The following NRG3 variants were observed in gnomAD, a reference collection of about 807,000 sequenced individuals.
The protein encoded by NRG3 is pro-neuregulin-3, membrane-bound isoform.
Under a neutral mutation model 66.9 loss-of-function variants are expected in NRG3, and 31 were observed. The observed-to-expected ratio is 0.46, with a 90% CI of 0.35 to 0.63. The LOEUF (loss-of-function observed/expected upper bound fraction) is 0.63, where lower values mean the gene tolerates loss of function less well. NRG3 is among the 20% of genes least tolerant of loss of function. The pLI, the probability that NRG3 is intolerant of heterozygous loss-of-function variation, is 0.00. For synonymous variants in NRG3, 393 were observed against 359.4 expected, an observed-to-expected ratio of 1.09 and a Z score of -1.06; for missense variants, 910 against 878.9, an observed-to-expected ratio of 1.04 and a Z score of -0.45.
At chr10:81,982,337 A>C (rs118133637) in intron 1 of NRG3, among the ~76,000 whole-genome samples, 6 of 152,198 alleles carry the variant, frequency 3.9e-5, no homozygotes, top group African/African-American at 1.4e-4. Flanking sequence ...AAGCAAGCAC[A>C]TTTAATGTCC....
At chr10:82,470,720 C>T (rs1159237258) in intron 2 of NRG3, among the ~76,000 whole-genome samples, 2 of 152,214 alleles carry the variant, frequency 1.3e-5, no homozygotes, top group Non-Finnish European at 1.5e-5. Flanking sequence ...CTGTTAGCTC[C>T]AGCTCTGGTT....
intron 1 of NRG3, among the ~76,000 whole-genome samples, chr10:82,158,732 A>C (rs1422483644): frequency 1.3e-5 from 2 of 151,880 alleles, no homozygotes; most frequent in Admixed American, 1.3e-4. Context: ...GTAAAATGCC[A>C]CAAATGCTTA....
At chr10:82,613,797 A>G (rs2048461909) in intron 2 of NRG3, among the ~76,000 whole-genome samples, 1 of 148,250 alleles carries the variant, frequency 6.7e-6, no homozygotes, top group Admixed American at 6.7e-5. Flanking sequence ...TTAACTCGTC[A>G]TTTAGCATTA....
intron 2 of NRG3, among the ~76,000 whole-genome samples, chr10:82,591,649 T>G (rs1400995192): frequency 6.6e-6 from 1 of 152,210 alleles, no homozygotes; most frequent in Non-Finnish European, 1.5e-5. Context: ...ATCTTAGCCT[T>G]ATGTTTAAAA....
At chr10:82,394,989 GA>G (rs751965574) in intron 2 of NRG3, among the ~76,000 whole-genome samples, 2 of 152,146 alleles carry the variant, frequency 1.3e-5, no homozygotes, top group Non-Finnish European at 2.9e-5. Context: ...CCCACTTTTT[GA>G]TTTGGGGTTC....
chr10:82,058,459 AC>A (rs1466521403), intron 1 of NRG3, among the ~76,000 whole-genome samples: 1 of 151,428 alleles, frequency 6.6e-6, no homozygotes, highest in Admixed American at 6.6e-5. Context: ...ATTTTCAACG[AC>A]CCGTTTCATC....
At chr10:82,916,427 G>A (rs534961905) in intron 4 of NRG3, among the ~76,000 whole-genome samples, 7 of 152,222 alleles carry the variant, frequency 4.6e-5, no homozygotes, top group African/African-American at 1.2e-4. Flanking sequence ...ACTTCAGCCC[G>A]GGTGACAGAG....
chr10:82,349,459 T>A (rs887711471), intron 1 of NRG3, among the ~76,000 whole-genome samples: 2 of 151,036 alleles, frequency 1.3e-5, no homozygotes, highest in African/African-American at 4.9e-5. Context: ...GAACCACTGC[T>A]CTCTTCAAAG....
intron 1 of NRG3, among the ~76,000 whole-genome samples, chr10:82,262,390 A>T (rs1327152954): frequency 6.6e-6 from 1 of 152,184 alleles, no homozygotes; most frequent in Admixed American, 6.5e-5. Context: ...AAAAGAGATC[A>T]TTCTGTTTGA....
At chr10:82,342,261 T>C (rs945845201) in intron 1 of NRG3, among the ~76,000 whole-genome samples, 2 of 152,152 alleles carry the variant, frequency 1.3e-5, no homozygotes, top group African/African-American at 4.8e-5. Context: ...TAATAATGAT[T>C]TCTTTCCCAT....
At chr10:82,577,165 G>T (rs1443797679) in intron 2 of NRG3, among the ~76,000 whole-genome samples, 1 of 151,738 alleles carries the variant, frequency 6.6e-6, no homozygotes, top group Admixed American at 6.6e-5. Context: ...AACATACCAA[G>T]ATCATGTGTC....
intron 1 of NRG3, among the ~76,000 whole-genome samples, chr10:82,049,692 T>C (rs1431460296): frequency 6.6e-6 from 1 of 152,014 alleles, no homozygotes; most frequent in Non-Finnish European, 1.5e-5. Context: ...AGAGAGGGTC[T>C]ATGGAGAACC....
At chr10:82,295,451 C>T (rs973217443) in intron 1 of NRG3, among the ~76,000 whole-genome samples, 1 of 151,934 alleles carries the variant, frequency 6.6e-6, no homozygotes, top group African/African-American at 2.4e-5. Context: ...ATCGAGGGTA[C>T]ATTTTTAATA....
At chr10:82,615,693 T>C (rs2048601460) in intron 2 of NRG3, among the ~76,000 whole-genome samples, 1 of 152,220 alleles carries the variant, frequency 6.6e-6, no homozygotes, top group Non-Finnish European at 1.5e-5. Context: ...CTTCTACATC[T>C]GTTTAATAAG....
At position 82,157,139 on chromosome 10, in the gene NRG3, A is replaced by G. The variant is rs180920588; in HGVS notation, c.824-201600A>G. Among the ~76,000 whole-genome samples, 191 of 151,784 alleles carry G rather than the reference A, an allele frequency of 1.3e-3. 1 individual carries two copies. The highest frequency in any genetic ancestry group is 2.1e-3 in the Non-Finnish European group (145 of 67,672). On this transcript the variant is annotated intron_variant, in intron 1 of 8. Coordinates refer to ENST00000372141, the MANE Select transcript of NRG3 (RefSeq NM_001010848.4). ...GCATTGTTAAATCCATTTAAAATAGACTGAGTTTACAGGGAAATGAAGTAT... is the reference window on the plus strand; with the variant it reads ...GCATTGTTAAATCCATTTAAAATAGGCTGAGTTTACAGGGAAATGAAGTAT...
At chr10:81,968,761 A>G (rs2059821787) in intron 1 of NRG3, among the ~76,000 whole-genome samples, 1 of 152,146 alleles carries the variant, frequency 6.6e-6, no homozygotes, top group Non-Finnish European at 1.5e-5. Flanking sequence ...TCTTGGGGAG[A>G]ATAGAATAGA....
chr10:82,343,942 A>C (rs1460610585), intron 1 of NRG3, among the ~76,000 whole-genome samples: 1 of 152,162 alleles, frequency 6.6e-6, no homozygotes, highest in Non-Finnish European at 1.5e-5. Flanking sequence ...CATATGACTT[A>C]TTAAATATTT....
At chr10:82,545,028 T>G (rs1232426034) in intron 2 of NRG3, among the ~76,000 whole-genome samples, 30 of 152,290 alleles carry the variant, frequency 2.0e-4, no homozygotes, top group Non-Finnish European at 1.5e-5. Flanking sequence ...GATGCTGATA[T>G]TGAACTTCCA....
At chr10:82,766,949 G>T (rs551854623) in intron 3 of NRG3, among the ~76,000 whole-genome samples, 97 of 149,120 alleles carry the variant, frequency 6.5e-4, no homozygotes, top group Admixed American at 2.1e-3. Flanking sequence ...TTGAAATCTA[G>T]TACTCTACGA....
Sources: gnomAD v4.1 joint callset for allele counts (sites outside exome capture counted in the v4.1 genomes callset) on GRCh38, gnomAD v4.1.1 for gene constraint, MANE v1.5 for transcripts, NCBI Gene and HGNC (gene_info 2026-07-23, HGNC 2026-07-21) for gene names.